Variants in ZNF510 observed in about 807,000 individuals in gnomAD.
ZNF510 encodes zinc finger protein 510.
In ZNF510, 15 loss-of-function variants were observed where a neutral mutation model predicts 18.1. The observed-to-expected ratio is 0.83, with a 90% CI of 0.55 to 1.28. The LOEUF is 1.28. Among genes scored for constraint, ZNF510 ranks in the 50% most tolerant of loss-of-function variants. The probability of loss-of-function intolerance (pLI) is 0.00; values close to 1 mark genes in which losing one functional copy is unlikely to be tolerated. For missense variants in ZNF510, 724 were observed against 791.8 expected, an observed-to-expected ratio of 0.91 and a Z score of 1.03; for synonymous variants, 261 against 266.4, an observed-to-expected ratio of 0.98 and a Z score of 0.20.
intron 3 of ZNF510, among the ~76,000 whole-genome samples, chr9:96,764,593 A>G (rs73554350): frequency 0.026 from 3,921 of 152,286 alleles, 195 homozygotes; most frequent in African/African-American, 0.09. Flanking sequence ...AATATTTATT[A>G]CTTGCCTTTA....
Position 96,763,630 on chromosome 9 carries a change from T to C in ZNF510, c.132A>G (p.Ala44=). ...QEQQKMNISQ[A]SVSFKDVTIE... Reference sequence around the variant, plus strand: ...TAGTCACGTCCTTGAATGACACTGATGCCTGTAACAGTACATTTCTATTCA... The same window carrying C: ...TAGTCACGTCCTTGAATGACACTGACGCCTGTAACAGTACATTTCTATTCA... The change falls in exon 4 of 6, where the codon GCA becomes GCG. Residue 44 remains alanine (A), a splice_region_variant and synonymous_variant. Transcript: ENST00000223428. 1 of 1,605,438 alleles carries C rather than the reference T, an allele frequency of 6.2e-7. No homozygotes were observed. Among genetic ancestry groups the C allele is most frequent in the Non-Finnish European group, 8.5e-7 (1 of 1,176,950 alleles).
chr9:96,766,205 C>T (rs190987490), intron 3 of ZNF510, among the ~76,000 whole-genome samples: 1 of 152,100 alleles, frequency 6.6e-6, no homozygotes. Flanking sequence ...AGATATCAAT[C>T]TACAATTTTA....
chr9:96,762,230 C>G (rs1182821483), intron 5 of ZNF510, among the ~76,000 whole-genome samples: 1 of 146,496 alleles, frequency 6.8e-6, no homozygotes, highest in East Asian at 2.0e-4. Flanking sequence ...AAAAAAGAGG[C>G]CAGGCACAGT....
intron 3 of ZNF510, among the ~76,000 whole-genome samples, chr9:96,772,891 G>T (rs1849611812): frequency 6.6e-6 from 1 of 151,992 alleles, no homozygotes; most frequent in African/African-American, 2.4e-5. Context: ...AAGCAATGAG[G>T]ACATACCCAA....
At position 96,758,752 on chromosome 9, in the gene ZNF510, G is replaced by A; in HGVS notation, c.*26C>T. 1 of 1,528,116 alleles carries A rather than the reference G, an allele frequency of 6.5e-7. No homozygotes were observed. Among genetic ancestry groups the A allele is most frequent in the South Asian group, 1.3e-5 (1 of 74,770 alleles). 94.7% of individuals were successfully genotyped at this position (1,528,116 alleles called of 1,614,324 possible). On this transcript the variant is annotated 3_prime_UTR_variant, in exon 6 of 6. Transcript: ENST00000223428. Reference sequence around the variant, plus strand: ...TGATATCAAATGGGGTATTCCTTTTGTCAAAAGGATTTTCTAGTTATTACA... The same window carrying A: ...TGATATCAAATGGGGTATTCCTTTTATCAAAAGGATTTTCTAGTTATTACA...
chr9:96,768,571 TAAAA>T (rs893451385), intron 3 of ZNF510, among the ~76,000 whole-genome samples: 4 of 151,656 alleles, frequency 2.6e-5, no homozygotes, highest in Non-Finnish European at 4.4e-5. Context: ...CAATGAATAA[TAAAA>T]AAGAAAACAA....
Position 96,758,226 on chromosome 9 carries a change from CTTT to C in ZNF510, c.*549_*551del, listed in dbSNP as rs1023865666. The C allele has an allele frequency of 2.6e-5, 4 of 152,340 alleles. No homozygotes were observed. The highest frequency in any genetic ancestry group is 4.8e-5 in the African/African-American group (2 of 41,446). 9.4% of individuals were successfully genotyped at this position (152,340 alleles called of 1,614,324 possible). ...CGTGTATTCATTCAGGCACAGACTT[CTTT>C]ATCTTGTACCATGCCACATTAAAGC... On this transcript the variant is annotated 3_prime_UTR_variant, in exon 6 of 6. Transcript: ENST00000223428.
intron 3 of ZNF510, among the ~76,000 whole-genome samples, chr9:96,768,062 A>G (rs1048715529): frequency 1.3e-5 from 2 of 152,216 alleles, no homozygotes; most frequent in African/African-American, 4.8e-5. Flanking sequence ...GTGGCTCACC[A>G]TAAGAAAATA....
intron 3 of ZNF510, among the ~76,000 whole-genome samples, chr9:96,768,573 AAAAAG>A (rs1020691848): frequency 1.4e-4 from 22 of 152,160 alleles, no homozygotes; most frequent in African/African-American, 5.1e-4. Flanking sequence ...ATGAATAATA[AAAAAG>A]AAAACAATTC....
At chr9:96,761,553 T>G (rs1252037908) in intron 5 of ZNF510, among the ~76,000 whole-genome samples, 1 of 152,144 alleles carries the variant, frequency 6.6e-6, no homozygotes, top group Non-Finnish European at 1.5e-5. Flanking sequence ...TGTTTACCTA[T>G]GCTTGGTTAC....
chr9:96,773,701 G>A (rs929272167), intron 3 of ZNF510, among the ~76,000 whole-genome samples: 6 of 151,854 alleles, frequency 4.0e-5, no homozygotes, highest in East Asian at 3.9e-4. Flanking sequence ...TCAGCCTCCC[G>A]AGTAGCTGGG....
At position 96,755,039 on chromosome 9, in the gene ZNF510, A is replaced by G. The variant is rs779350974; in HGVS notation, c.*3739T>C. 3.3e-5 allele frequency among the ~76,000 whole-genome samples: 5 copies of G among 152,170 alleles called. No homozygotes were observed. The highest frequency in any genetic ancestry group is 7.3e-5 in the Non-Finnish European group (5 of 68,032). On this transcript the variant is annotated 3_prime_UTR_variant, in exon 6 of 6. Coordinates refer to ENST00000223428, the MANE Select transcript of ZNF510 (RefSeq NM_014930.3). Reference sequence around the variant, plus strand: ...AGCATACATGACTAGAGCACAGACCATGGTCTCCAGTTGGTGATGTATTGT... The same window carrying G: ...AGCATACATGACTAGAGCACAGACCGTGGTCTCCAGTTGGTGATGTATTGT...
intron 3 of ZNF510, among the ~76,000 whole-genome samples, chr9:96,767,199 G>A (rs1157217352): frequency 3.3e-5 from 5 of 152,108 alleles, no homozygotes; most frequent in Admixed American, 6.5e-5. Context: ...GTGGTGGTGC[G>A]TGCCCATAAT....
At chr9:96,770,232 A>T (rs1849556744) in intron 3 of ZNF510, among the ~76,000 whole-genome samples, 1 of 152,182 alleles carries the variant, frequency 6.6e-6, no homozygotes, top group South Asian at 2.1e-4. Context: ...AGTCACAAAA[A>T]GGAATGATGT....
chr9:96,765,950 T>C (rs1849460822), intron 3 of ZNF510, among the ~76,000 whole-genome samples: 1 of 152,172 alleles, frequency 6.6e-6, no homozygotes, highest in South Asian at 2.1e-4. Context: ...AGTTATGGTG[T>C]TGTTGGCCAT....
At position 96,757,573 on chromosome 9, in the gene ZNF510, A is replaced by C. The variant is rs1849226827; in HGVS notation, c.*1205T>G. On this transcript the variant is annotated 3_prime_UTR_variant, in exon 6 of 6. Transcript: ENST00000223428. ...CTAAATTATGTGTAGAAACAAATAG[A>C]CTCAAACATGTGAAAGCTCAACAGA... is the stretch of plus-strand genomic sequence containing the variant. The C allele has an allele frequency of 6.6e-6, 1 of 152,148 alleles. No individual in the cohort carries two copies. The highest frequency in any genetic ancestry group is 1.5e-5 in the Non-Finnish European group (1 of 68,036). The allele number at this position is 152,148 out of a possible 1,614,324, so 9.4% of individuals were successfully genotyped here.
intron 3 of ZNF510, among the ~76,000 whole-genome samples, chr9:96,764,807 G>A (rs1387045821): frequency 6.6e-6 from 1 of 152,046 alleles, no homozygotes; most frequent in Non-Finnish European, 1.5e-5. Flanking sequence ...TTTAAGGTAA[G>A]AAAGAGGTAT....
chr9:96,776,175 G>C lies in ZNF510; in HGVS notation c.-106C>G. On this transcript the variant is annotated 5_prime_UTR_variant, in exon 2 of 6. Coordinates refer to ENST00000223428, the MANE Select transcript of ZNF510 (RefSeq NM_014930.3). ...TCTTCTGCATCTGTTTGGAAGCCCT[G>C]GTGAGGAGGTCTCTGTTCTGTCAGA... 2.7e-6 allele frequency: 4 copies of C among 1,490,698 alleles called. No individual in the cohort carries two copies. Among genetic ancestry groups the C allele is most frequent in the Non-Finnish European group, 3.6e-6 (4 of 1,116,364 alleles). The allele number at this position is 1,490,698 out of a possible 1,614,324, so 92.3% of individuals were successfully genotyped here.
rs1849251752 is a variant in ZNF510, at chr9:96,758,696, C to A, written c.*82G>T. On this transcript the variant is annotated 3_prime_UTR_variant, in exon 6 of 6. Transcript: ENST00000223428. ...ACTTCTGGGACTGTCTTCTTACATT[C>A]ACTACCCTCAATTGGTTTTTTGTGT... The A allele has an allele frequency of 3.6e-6, 5 of 1,396,108 alleles. No homozygotes were observed. Among genetic ancestry groups the A allele is most frequent in the Non-Finnish European group, 4.8e-6 (5 of 1,035,480 alleles). 86.5% of individuals were successfully genotyped at this position (1,396,108 alleles called of 1,614,324 possible). A position where few individuals can be genotyped will look rare whatever the true frequency, so the allele number is the denominator to read the frequency against.
Sources: allele counts gnomAD v4.1 joint callset (sites outside exome capture counted in the v4.1 genomes callset), GRCh38; gene constraint gnomAD v4.1.1; transcripts MANE v1.5; gene names NCBI Gene and HGNC (gene_info 2026-07-23, HGNC 2026-07-21).